The following BLM variants were observed in gnomAD, a reference collection of about 807,000 sequenced individuals.
BLM encodes recQ-like DNA helicase BLM.
A neutral mutation model predicts 135.3 loss-of-function variants in BLM; 95 were observed. The observed-to-expected ratio is 0.70, with a 90% CI of 0.59 to 0.83. BLM has a LOEUF of 0.83. BLM is among the 40% of genes least tolerant of loss of function. BLM has a pLI of 0.00. For missense variants in BLM, 1,518 were observed against 1,663.9 expected, an observed-to-expected ratio of 0.91 and a Z score of 1.53; for synonymous variants, 520 against 589.2, an observed-to-expected ratio of 0.88 and a Z score of 1.70.
intron 8 of BLM, 34 bp downstream of exon 8, chr15:90,763,191 C>T (rs1199277086): frequency 1.9e-6 from 3 of 1,601,270 alleles, no homozygotes; most frequent in Non-Finnish European, 2.6e-6. Flanking sequence ...GGCAGGAATC[C>T]ATTGGCAGAT....
chr15:90,792,013 T>G (rs970703372), intron 15 of BLM, among the ~76,000 whole-genome samples: 10 of 152,206 alleles, frequency 6.6e-5, no homozygotes, highest in African/African-American at 2.4e-4. Context: ...ATTACATTCT[T>G]TGCTCATTTT....
intron 5 of BLM, among the ~76,000 whole-genome samples, chr15:90,759,649 C>T (rs1895909073): frequency 6.6e-6 from 1 of 151,872 alleles, no homozygotes; most frequent in African/African-American, 2.4e-5. Flanking sequence ...TTTTGTCCCC[C>T]AGGCTGGAGT....
chr15:90,809,986 T>G (rs1418980129), intron 20 of BLM, among the ~76,000 whole-genome samples: 1 of 151,958 alleles, frequency 6.6e-6, no homozygotes, highest in African/African-American at 2.4e-5. Context: ...TCTTCCTGCT[T>G]CCAGACAGGC....
At chr15:90,729,710 C>T (rs1895015402) in intron 1 of BLM, among the ~76,000 whole-genome samples, 1 of 152,174 alleles carries the variant, frequency 6.6e-6, no homozygotes, top group African/African-American at 2.4e-5. Flanking sequence ...AGTAATTCAC[C>T]TTTGTCATGT....
intron 1 of BLM, among the ~76,000 whole-genome samples, chr15:90,727,646 C>T (rs1246222760): frequency 6.6e-6 from 1 of 152,140 alleles, no homozygotes; most frequent in East Asian, 1.9e-4. Flanking sequence ...TGGGCAGAAA[C>T]ATTGCACACA....
chr15:90,815,144 C>T lies in BLM; in HGVS notation c.4119C>T (p.Ser1373=), dbSNP rs1210181566. The change falls in exon 22 of 22, where the codon TCC becomes TCT. Residue 1373 remains serine, a synonymous_variant. Coordinates refer to ENST00000355112, the MANE Select transcript of BLM (RefSeq NM_000057.4). The surrounding 1 kb of genome is among the most constrained non-coding windows in gnomAD (Gnocchi z 4.6). ...TCRKISSKTK[S]SSIIGSSSAS... is the part of the protein sequence containing the mutation. Reference sequence around the variant, plus strand: ...GAAAGATATCTTCCAAAACGAAATCCTCCAGCATCATTGGATCCAGTTCAG... The same window carrying T: ...GAAAGATATCTTCCAAAACGAAATCTTCCAGCATCATTGGATCCAGTTCAG... 1 of 1,614,168 alleles carries T rather than the reference C, an allele frequency of 6.2e-7. No individual in the cohort carries two copies. The highest frequency in any genetic ancestry group is 8.5e-7 in the Non-Finnish European group (1 of 1,180,040).
chr15:90,741,928 T>C (rs1440766008), intron 1 of BLM, among the ~76,000 whole-genome samples: 2 of 152,220 alleles, frequency 1.3e-5, no homozygotes, highest in Non-Finnish European at 2.9e-5. Context: ...ACTTGTAATT[T>C]TGTGTTTTAA....
chr15:90,741,775 T>G (rs1372556013), intron 1 of BLM, among the ~76,000 whole-genome samples: 3 of 152,236 alleles, frequency 2.0e-5, no homozygotes, highest in Non-Finnish European at 4.4e-5. Flanking sequence ...CTTCTAGTAT[T>G]TCCTTTTTCG....
intron 9 of BLM, among the ~76,000 whole-genome samples, chr15:90,766,545 A>T (rs1323459109): frequency 6.6e-6 from 1 of 152,074 alleles, no homozygotes; most frequent in Admixed American, 6.6e-5. Context: ...TTCCTGCCTT[A>T]GCCTCCTGAG....
intron 1 of BLM, among the ~76,000 whole-genome samples, chr15:90,743,433 A>G (rs908964544): frequency 1.3e-5 from 2 of 152,136 alleles, no homozygotes; most frequent in African/African-American, 4.8e-5. Context: ...GCACCCAGAA[A>G]TTGTTCCTTT....
intron 14 of BLM, among the ~76,000 whole-genome samples, chr15:90,786,905 G>A (rs371201566): frequency 3.0e-4 from 45 of 151,208 alleles, no homozygotes; most frequent in East Asian, 7.9e-4. Context: ...GAGCCACCAC[G>A]CCTGGCCCTC....
At chr15:90,804,456 G>A in intron 19 of BLM, 97 bp downstream of exon 19, 1 of 1,348,428 alleles carries the variant, frequency 7.4e-7, no homozygotes, top group Non-Finnish European at 1.1e-6. Flanking sequence ...TATCTCAGTG[G>A]TTTGTTTCTT....
chr15:90,772,877 CA>C (rs1896360066), intron 12 of BLM, among the ~76,000 whole-genome samples: 2 of 151,926 alleles, frequency 1.3e-5, no homozygotes, highest in African/African-American at 4.8e-5. Context: ...GTGGGCGGAT[CA>C]CCTGAGGTCA....
chr15:90,739,222 C>T (rs1203569105), intron 1 of BLM, among the ~76,000 whole-genome samples: 1 of 152,002 alleles, frequency 6.6e-6, no homozygotes, highest in Non-Finnish European at 1.5e-5. Flanking sequence ...GGTGAAACCC[C>T]GTCTCTACTA....
At chr15:90,740,959 A>C (rs1296636527) in intron 1 of BLM, among the ~76,000 whole-genome samples, 1 of 152,138 alleles carries the variant, frequency 6.6e-6, no homozygotes, top group Non-Finnish European at 1.5e-5. Context: ...TCTTCATAGC[A>C]GTATGAAAAT....
intron 12 of BLM, among the ~76,000 whole-genome samples, chr15:90,778,646 T>C (rs1789947491): frequency 6.6e-6 from 1 of 152,224 alleles, no homozygotes; most frequent in Non-Finnish European, 1.5e-5. Flanking sequence ...TTTTTGTGAC[T>C]GTCTACTTAG....
At chr15:90,792,921 G>GT (rs146653941) in intron 15 of BLM, among the ~76,000 whole-genome samples, 8,933 of 149,970 alleles carry the variant, frequency 0.06, 317 homozygotes, top group African/African-American at 0.086. Flanking sequence ...GCCCATTTGT[G>GT]TTTTTTTTAA....
intron 16 of BLM, among the ~76,000 whole-genome samples, chr15:90,797,414 C>CAAAAAA (rs56369282): frequency 0.014 from 1,539 of 109,252 alleles, 54 homozygotes; most frequent in Non-Finnish European, 0.021. Context: ...AACTCCATCT[C>CAAAAAA]AAAAAAAAAA....
In BLM at chr15:90,733,748, ATCCATCACTCTCAAAAGT is replaced by A. The variant is rs553671194; in HGVS notation, c.-4-13639_-4-13622del. Among the ~76,000 whole-genome samples the A allele has an allele frequency of 3.6e-3, 554 of 152,310 alleles. 2 individuals carry two copies. The highest frequency in any genetic ancestry group is 0.013 in the African/African-American group (524 of 41,568). ...TCACCATAATTCAGTTAATGAACAT[ATCCATCACTCTCAAAAGT>A]TTCCTCATCCCCCTTAATTCTGCCT... On this transcript the variant is annotated intron_variant, in intron 1 of 21. Transcript: ENST00000355112.
Sources: gnomAD v4.1 joint callset for allele counts (sites outside exome capture counted in the v4.1 genomes callset) on GRCh38, gnomAD v4.1.1 for gene constraint, Gnocchi (gnomAD v3.1) non-coding constraint, MANE v1.5 for transcripts, NCBI Gene and HGNC (gene_info 2026-07-23, HGNC 2026-07-21) for gene names.